Variants in ZMYND19 observed in about 807,000 individuals in gnomAD.
ZMYND19 encodes the protein zinc finger MYND domain-containing protein 19.
Under a neutral mutation model 32.0 loss-of-function variants are expected in ZMYND19, and 17 were observed. The observed-to-expected ratio is 0.53, with a 90% CI of 0.36 to 0.80. The LOEUF is 0.80. ZMYND19 is among the 30% of genes least tolerant of loss of function. ZMYND19 has a pLI of 0.00. For synonymous variants in ZMYND19, 124 were observed against 113.6 expected (o/e 1.09, Z -0.58); for missense variants, 250 against 293.6 (o/e 0.85, Z 1.09).
At chr9:137,589,890 C>T (rs1450666862) in intron 1 of ZMYND19, 1 of 985,272 alleles carries the variant, frequency 1.0e-6, no homozygotes, top group Non-Finnish European at 1.2e-6. Context: ...ACTGGGAGGG[C>T]TCCGGGAGAA....
At chr9:137,585,542 G>A (rs775235716) in intron 4 of ZMYND19, among the ~76,000 whole-genome samples, 2 of 151,954 alleles carry the variant, frequency 1.3e-5, no homozygotes, top group Non-Finnish European at 2.9e-5. Context: ...AACAGAGCAG[G>A]GAAAAAAAAA....
In ZMYND19 at chr9:137,584,780, G is replaced by A. The variant is rs542419818; in HGVS notation, c.360-1617C>T. On this transcript the variant is annotated intron_variant, in intron 4 of 5. Transcript: ENST00000298585. ...CCCAGGGCTTCCCCAGACACCACTAGAACAGGGTGCCTGCTTCAGTCCGCA... is the reference window on the plus strand; with the variant it reads ...CCCAGGGCTTCCCCAGACACCACTAAAACAGGGTGCCTGCTTCAGTCCGCA... 3.0e-3 allele frequency among the ~76,000 whole-genome samples: 456 copies of A among 152,296 alleles called. 5 individuals are homozygous for A. Among genetic ancestry groups the A allele is most frequent in the Admixed American group, 6.3e-3 (97 of 15,308 alleles).
chr9:137,590,041 G>A lies in ZMYND19; in HGVS notation c.51+172C>T, dbSNP rs1842254218. Reference sequence around the variant, plus strand: ...CGTGCCCGCCGGCCTGCGAGAGGAAGCTGCACCCGCGCGGGGCCAGCAGCC... The same window carrying A: ...CGTGCCCGCCGGCCTGCGAGAGGAAACTGCACCCGCGCGGGGCCAGCAGCC... On this transcript the variant is annotated intron_variant, in intron 1 of 5. Coordinates refer to ENST00000298585, the MANE Select transcript of ZMYND19 (RefSeq NM_138462.3). This position sits in a 1 kb window ranked among gnomAD's most constrained non-coding sequence, Gnocchi z 4.2. 5 of 984,290 alleles carry A rather than the reference G, an allele frequency of 5.1e-6. No homozygotes were observed. The highest frequency in any genetic ancestry group is 6.0e-6 in the Non-Finnish European group (5 of 829,578). 61.0% of individuals were successfully genotyped at this position (984,290 alleles called of 1,614,324 possible). A position where few individuals can be genotyped will look rare whatever the true frequency, so the allele number is the denominator to read the frequency against.
intron 2 of ZMYND19, among the ~76,000 whole-genome samples, chr9:137,588,326 T>C (rs1276434253): frequency 6.6e-6 from 1 of 152,172 alleles, no homozygotes; most frequent in African/African-American, 2.4e-5. Flanking sequence ...AAGAGCAGGG[T>C]CTTCGAGCTA....
chr9:137,587,972 C>T (rs1842225026), intron 2 of ZMYND19, 149 bp from the exon 3 acceptor site: 2 of 767,252 alleles, frequency 2.6e-6, no homozygotes, highest in Non-Finnish European at 4.4e-6. Flanking sequence ...CAGAGCTTCC[C>T]ACAGGCACAT....
In ZMYND19 at chr9:137,590,182, C is replaced by T. The variant is rs1325838759; in HGVS notation, c.51+31G>A. ...CGCGCGGAGGCCTGGACGGGCGAGACGGGCCGGGTCGCGGGCTCCGCGCCG... is the reference window on the plus strand; with the variant it reads ...CGCGCGGAGGCCTGGACGGGCGAGATGGGCCGGGTCGCGGGCTCCGCGCCG... On this transcript the variant is annotated intron_variant, in intron 1 of 5. Coordinates refer to ENST00000298585, the MANE Select transcript of ZMYND19 (RefSeq NM_138462.3). The surrounding 1 kb of genome is among the most constrained non-coding windows in gnomAD (Gnocchi z 4.2). 2.3e-5 allele frequency: 24 copies of T among 1,051,442 alleles called. No homozygotes were observed. The highest frequency in any genetic ancestry group is 4.5e-4 in the Middle Eastern group (1 of 2,246). The allele number at this position is 1,051,442 out of a possible 1,614,324, so 65.1% of individuals were successfully genotyped here.
Position 137,582,335 on chromosome 9 carries a change from G to A in ZMYND19, c.*208C>T, listed in dbSNP as rs755565643. 13 of 616,224 alleles carry A rather than the reference G, an allele frequency of 2.1e-5. No individual in the cohort carries two copies. Among genetic ancestry groups the A allele is most frequent in the Non-Finnish European group, 3.3e-5 (12 of 366,264 alleles). The allele number at this position is 616,224 out of a possible 1,614,324, so 38.2% of individuals were successfully genotyped here. On this transcript the variant is annotated 3_prime_UTR_variant, in exon 6 of 6. Coordinates refer to ENST00000298585, the MANE Select transcript of ZMYND19 (RefSeq NM_138462.3). ...CATATAAATAATGAGAACCGTCCTG[G>A]TGGGAGCCTCCTCCGTTGTCTCTGC...
chr9:137,588,156 T>C (rs1165514997), intron 2 of ZMYND19, among the ~76,000 whole-genome samples: 3 of 152,172 alleles, frequency 2.0e-5, no homozygotes, highest in South Asian at 2.1e-4. Context: ...ACTGTGAATG[T>C]GTGGGGCACA....
chr9:137,588,011 CCACTCT>C (rs1842225450), intron 2 of ZMYND19, among the ~76,000 whole-genome samples, 188 bp from the exon 3 acceptor site: 1 of 152,230 alleles, frequency 6.6e-6, no homozygotes, highest in Non-Finnish European at 1.5e-5. Flanking sequence ...TGGCCCACCA[CCACTCT>C]GTCTATTCGA....
In ZMYND19 at chr9:137,587,061, G is replaced by A; in HGVS notation, c.265C>T (p.Leu89Phe). 6.2e-7 allele frequency: 1 copy of A among 1,610,622 alleles called. No homozygotes were observed. The highest frequency in any genetic ancestry group is 8.5e-7 in the Non-Finnish European group (1 of 1,180,020). The change falls in exon 4 of 6, where the codon CTC becomes TTC. Residue 89 changes from leucine to phenylalanine, a missense_variant. Physicochemically the swap from Leu to Phe is conservative, Grantham distance 22. Around this residue, in one of 2 missense-constraint regions of ZMYND19, gnomAD observed 212 missense variants for 218.8 expected, o/e 0.97. Transcript: ENST00000298585. ...GVAPGFQVVHLNAVTVDNRLD... is the reference protein window; with the variant it reads ...GVAPGFQVVHFNAVTVDNRLD... Reference sequence around the variant, plus strand: ...CGATTGTCCACGGTCACAGCGTTGAGGTGCACCACCTGGAAGCCCGGGGCC... The same window carrying A: ...CGATTGTCCACGGTCACAGCGTTGAAGTGCACCACCTGGAAGCCCGGGGCC...
chr9:137,590,206 C>T lies in ZMYND19; in HGVS notation c.51+7G>A. 1 of 1,117,946 alleles carries T rather than the reference C, an allele frequency of 8.9e-7. No homozygotes were observed. The highest frequency in any genetic ancestry group is 1.1e-6 in the Non-Finnish European group (1 of 903,314). 69.3% of individuals were successfully genotyped at this position (1,117,946 alleles called of 1,614,324 possible). A position where few individuals can be genotyped will look rare whatever the true frequency, so the allele number is the denominator to read the frequency against. On this transcript the variant is annotated splice_region_variant and intron_variant, in intron 1 of 5. Transcript: ENST00000298585. This position sits in a 1 kb window ranked among gnomAD's most constrained non-coding sequence, Gnocchi z 4.2. ...ACGGGCCGGGTCGCGGGCTCCGCGC[C>T]GCTCACCTTCCCGGCCACCCGGCCG...
At chr9:137,582,759 G>T in intron 5 of ZMYND19, 73 bp from the exon 6 acceptor site, 1 of 1,567,420 alleles carries the variant, frequency 6.4e-7, no homozygotes, top group South Asian at 1.2e-5. Flanking sequence ...GCGTCTTACG[G>T]ACAATCTGAC....
intron 4 of ZMYND19, among the ~76,000 whole-genome samples, chr9:137,585,947 G>C (rs1842199447): frequency 6.6e-6 from 1 of 152,278 alleles, no homozygotes; most frequent in African/African-American, 2.4e-5. Context: ...CAGGGCGCCA[G>C]GGGAACATGT....
chr9:137,588,016 CTG>C (rs1197322822), intron 2 of ZMYND19, among the ~76,000 whole-genome samples, 193 bp from the exon 3 acceptor site: 1 of 152,142 alleles, frequency 6.6e-6, no homozygotes, highest in East Asian at 1.9e-4. Flanking sequence ...CACCACCACT[CTG>C]TCTATTCGAG....
chr9:137,588,778 C>T, intron 1 of ZMYND19, 60 bp from the exon 2 acceptor site: 3 of 1,595,944 alleles, frequency 1.9e-6, no homozygotes, highest in Non-Finnish European at 2.6e-6. Flanking sequence ...GGTGCAGTAA[C>T]CTTATAACCA....
chr9:137,583,279 G>T, intron 4 of ZMYND19, 116 bp from the exon 5 acceptor site: 1 of 1,176,066 alleles, frequency 8.5e-7, no homozygotes, highest in Non-Finnish European at 1.2e-6. Context: ...GCCCGAGTTT[G>T]AGTCTCCTTT....
In ZMYND19 at chr9:137,582,174, A is replaced by G. The variant is rs1423191262; in HGVS notation, c.*369T>C. On this transcript the variant is annotated 3_prime_UTR_variant, in exon 6 of 6. Coordinates refer to ENST00000298585, the MANE Select transcript of ZMYND19 (RefSeq NM_138462.3). ...GGCGGCCCAGGGGAGAAGCTTCGAC[A>G]ACAGGACAGTTTTTAGTCACGTGGC... 1.1e-5 allele frequency: 2 copies of G among 180,216 alleles called. No individual in the cohort carries two copies. Among genetic ancestry groups the G allele is most frequent in the Non-Finnish European group, 2.3e-5 (2 of 86,054 alleles). 11.2% of individuals were successfully genotyped at this position (180,216 alleles called of 1,614,324 possible).
chr9:137,587,348 G>T, intron 3 of ZMYND19: 1 of 653,670 alleles, frequency 1.5e-6, no homozygotes, highest in Non-Finnish European at 2.6e-6. Flanking sequence ...GGACTTCAGA[G>T]CACAGACAGC....
intron 4 of ZMYND19, among the ~76,000 whole-genome samples, chr9:137,585,653 G>A (rs1842196523): frequency 6.6e-6 from 1 of 152,190 alleles, no homozygotes; most frequent in African/African-American, 2.4e-5. Flanking sequence ...TCCCTCCAGG[G>A]TGGCAGGAAC....
Sources: allele counts gnomAD v4.1 joint callset (sites outside exome capture counted in the v4.1 genomes callset), GRCh38; gene constraint gnomAD v4.1.1; regional missense constraint gnomAD v4.1.1; non-coding constraint Gnocchi (gnomAD v3.1); transcripts MANE v1.5; gene names NCBI Gene and HGNC (gene_info 2026-07-23, HGNC 2026-07-21).